The following GPM6B variants were observed in gnomAD, a reference collection of about 807,000 sequenced individuals.
GPM6B encodes the protein neuronal membrane glycoprotein M6-b.
GPM6B carries 4 observed loss-of-function variants against 27.2 expected under a neutral mutation model. The ratio of observed to expected loss-of-function variants is 0.15; its 90% CI spans 0.07 to 0.34. GPM6B has a LOEUF of 0.34. GPM6B is among the 10% of genes least tolerant of loss of function. The pLI, the probability that GPM6B is intolerant of heterozygous loss-of-function variation, is 1.00. For synonymous variants in GPM6B, 124 were observed against 103.1 expected (o/e 1.20, Z -1.23); for missense variants, 183 against 261.9 (o/e 0.70, Z 2.08).
chrX:13,820,575 G>A (rs1369360824), upstream of GPM6B, among the ~76,000 whole-genome samples: 2 of 111,108 alleles, frequency 1.8e-5, no homozygotes, highest in Non-Finnish European at 3.8e-5. Context: ...AAGAAGCCCA[G>A]TTCTGCTCAA....
chrX:13,902,370 G>A (rs1055023466), intron 1 of GPM6B, among the ~76,000 whole-genome samples: 1 of 109,953 alleles, frequency 9.1e-6, no homozygotes, highest in African/African-American at 3.3e-5. Context: ...TCATTTGACC[G>A]TTTCAGCCCT....
chrX:13,926,298 C>T (rs1422478310), intron 1 of GPM6B, among the ~76,000 whole-genome samples: 4 of 106,697 alleles, frequency 3.7e-5, no homozygotes, highest in African/African-American at 1.4e-4. Context: ...GTCCCAGCTA[C>T]TCGGGAGGCT....
intron 7 of GPM6B, 148 bp downstream of exon 7, chrX:13,776,090 G>A (rs1204639825): frequency 4.0e-6 from 2 of 498,295 alleles, no homozygotes; most frequent in Non-Finnish European, 7.2e-6. Context: ...TAAACTACAT[G>A]TGGTAAGTTA....
At chrX:13,812,660 A>T (rs1277463827) in intron 1 of GPM6B, among the ~76,000 whole-genome samples, 1 of 111,672 alleles carries the variant, frequency 9.0e-6, no homozygotes, top group Non-Finnish European at 1.9e-5. Flanking sequence ...TATTAAGATC[A>T]TTTAGTCTAA....
intron 1 of GPM6B, among the ~76,000 whole-genome samples, chrX:13,905,055 C>T (rs2003306): frequency 0.28 from 30,133 of 105,768 alleles, 3,540 homozygotes; most frequent in East Asian, 0.64. Flanking sequence ...GGCAACATGG[C>T]GAGACCTCAT....
intron 1 of GPM6B, among the ~76,000 whole-genome samples, chrX:13,934,221 G>C (rs1393545400): frequency 2.7e-5 from 3 of 111,215 alleles, no homozygotes; most frequent in African/African-American, 9.8e-5. Context: ...GATATTAAAA[G>C]GGAGCTCTCT....
chrX:13,887,903 AACT>A (rs770237999), intron 1 of GPM6B, among the ~76,000 whole-genome samples: 2 of 111,741 alleles, frequency 1.8e-5, no homozygotes, highest in Middle Eastern at 4.6e-3. Flanking sequence ...GGCATCTCAG[AACT>A]ACTGAGGATT....
intron 3 of GPM6B, chrX:13,783,781 G>A (rs1214008519): frequency 2.2e-6 from 1 of 449,029 alleles, no homozygotes; most frequent in East Asian, 4.6e-5. Context: ...ATCCTTACCT[G>A]AGTCCTGGGC....
chrX:13,781,298 G>C (rs187075986), intron 4 of GPM6B, among the ~76,000 whole-genome samples: 24 of 111,663 alleles, frequency 2.1e-4, no homozygotes, highest in Non-Finnish European at 4.3e-4. Flanking sequence ...TCCCACACAG[G>C]ACTACGAAAG....
At chrX:13,858,912 C>T in intron 1 of GPM6B, among the ~76,000 whole-genome samples, 1 of 112,175 alleles carries the variant, frequency 8.9e-6, no homozygotes, top group Non-Finnish European at 1.9e-5. Flanking sequence ...ATCCATTGTA[C>T]CTTTCATAGG....
intron 1 of GPM6B, among the ~76,000 whole-genome samples, chrX:13,875,946 G>A (rs1344176976): frequency 1.8e-5 from 2 of 112,169 alleles, no homozygotes; most frequent in East Asian, 5.5e-4. Context: ...AGATAGTGAT[G>A]TTTGTACAAC....
At chrX:13,842,985 C>T (rs933102602) in intron 1 of GPM6B, among the ~76,000 whole-genome samples, 1 of 110,826 alleles carries the variant, frequency 9.0e-6, no homozygotes, top group African/African-American at 3.3e-5. Flanking sequence ...TAATATATTC[C>T]CCCCTTTCCA....
At chrX:13,858,069 A>C (rs2049801879) in intron 1 of GPM6B, among the ~76,000 whole-genome samples, 1 of 112,405 alleles carries the variant, frequency 8.9e-6, no homozygotes, top group Non-Finnish European at 1.9e-5. Context: ...AAGTTGAGGC[A>C]AGGAGGAGCA....
At chrX:13,847,190 C>T (rs908226677) in intron 1 of GPM6B, among the ~76,000 whole-genome samples, 2 of 111,799 alleles carry the variant, frequency 1.8e-5, no homozygotes, top group Admixed American at 9.5e-5. Context: ...ACATCCCTTA[C>T]ACACCAACTG....
At chrX:13,926,561 GCA>G (rs1308818564) in intron 1 of GPM6B, among the ~76,000 whole-genome samples, 3 of 112,048 alleles carry the variant, frequency 2.7e-5, no homozygotes, top group East Asian at 5.5e-4. Context: ...TGTAATAGTA[GCA>G]CAGAGATGCC....
chrX:13,807,611 T>C (rs765028077), intron 2 of GPM6B, 39 bp downstream of exon 2: 1 of 1,055,803 alleles, frequency 9.5e-7, no homozygotes, highest in Admixed American at 2.7e-5. Context: ...AAGATAACAG[T>C]TGACTTGCTA....
intron 1 of GPM6B, among the ~76,000 whole-genome samples, chrX:13,893,525 T>C (rs1298398887): frequency 8.9e-6 from 1 of 112,436 alleles, no homozygotes; most frequent in Non-Finnish European, 1.9e-5. Flanking sequence ...TTTCATTTCT[T>C]TTCCCTGCTC....
chrX:13,852,837 G>A (rs5979988), intron 1 of GPM6B, among the ~76,000 whole-genome samples: 40,212 of 102,056 alleles, frequency 0.39, 6,612 homozygotes, highest in Middle Eastern at 0.48. Flanking sequence ...GCAGTGGCAT[G>A]ACCATGGCTC....
Position 13,777,345 on chromosome X carries a change from A to G in GPM6B, c.771+7T>C, listed in dbSNP as rs764131296. The G allele has an allele frequency of 2.6e-5, 31 of 1,174,771 alleles. No individual in the cohort carries two copies. Among genetic ancestry groups the G allele is most frequent in the Non-Finnish European group, 3.4e-5 (29 of 863,053 alleles). Reference sequence around the variant, plus strand: ...TCAAGGGTTATTCTGAACTGTGATGAGTTTACCTCGTTTGTGTTGCAGATG... The same window carrying G: ...TCAAGGGTTATTCTGAACTGTGATGGGTTTACCTCGTTTGTGTTGCAGATG... On this transcript the variant is annotated splice_region_variant and intron_variant, in intron 6 of 7. Transcript: ENST00000316715.
Sources: allele counts gnomAD v4.1 joint callset (sites outside exome capture counted in the v4.1 genomes callset), GRCh38; gene constraint gnomAD v4.1.1; transcripts MANE v1.5; gene names NCBI Gene and HGNC (gene_info 2026-07-23, HGNC 2026-07-21).